Variants in NMNAT1 observed in about 807,000 individuals in gnomAD.
NMNAT1 encodes nicotinamide nucleotide adenylyltransferase 1, also known as nicotinamide/nicotinic acid mononucleotide adenylyltransferase 1.
A neutral mutation model predicts 16.7 loss-of-function variants in NMNAT1; 11 were observed. That is an observed-to-expected ratio of 0.66 (90% CI 0.41 to 1.09). NMNAT1 has a LOEUF of 1.09. NMNAT1 is among the 50% of genes least tolerant of loss of function. The pLI, the probability that NMNAT1 is intolerant of heterozygous loss-of-function variation, is 0.00. For missense variants in NMNAT1, 280 were observed against 332.3 expected (o/e 0.84, Z 1.22); for synonymous variants, 110 against 119.8 (o/e 0.92, Z 0.53).
At chr1:9,957,161 C>A (rs141310602) in intron 1 of NMNAT1, among the ~76,000 whole-genome samples, 3 of 152,264 alleles carry the variant, frequency 2.0e-5, no homozygotes, top group African/African-American at 7.2e-5. Context: ...TCCTGAGTAG[C>A]TGGGATTACA....
chr1:9,983,701 TGCCAAGTTA>T lies in NMNAT1; in HGVS notation c.*1002_*1010del, dbSNP rs1641999265. 1 of 151,920 alleles carries T rather than the reference TGCCAAGTTA, an allele frequency of 6.6e-6. No homozygotes were observed. The highest frequency in any genetic ancestry group is 2.4e-5 in the African/African-American group (1 of 41,368). 9.4% of individuals were successfully genotyped at this position (151,920 alleles called of 1,614,324 possible). A position where few individuals can be genotyped will look rare whatever the true frequency, so the allele number is the denominator to read the frequency against. On this transcript the variant is annotated 3_prime_UTR_variant, in exon 5 of 5. Transcript: ENST00000377205. ...CAGCTAGCAGGTTTCAGGATCCATC[TGCCAAGTTA>T]GTGAAAGGCTGGAGCCTCAAATCAT...
intron 1 of NMNAT1, among the ~76,000 whole-genome samples, chr1:9,958,069 A>G (rs955260266): frequency 6.6e-6 from 1 of 152,196 alleles, no homozygotes; most frequent in Non-Finnish European, 1.5e-5. Context: ...ACCCACAGCT[A>G]TCTTCACTAT....
chr1:9,987,661 T>A (rs372622755), downstream of NMNAT1, among the ~76,000 whole-genome samples: 5 of 150,636 alleles, frequency 3.3e-5, no homozygotes, highest in South Asian at 6.3e-4. Flanking sequence ...ATAAATAAAT[T>A]AAATTAAATT....
In NMNAT1 at chr1:9,972,208, G is replaced by C; in HGVS notation, c.115+20G>C. On this transcript the variant is annotated intron_variant, in intron 2 of 4. Coordinates refer to ENST00000377205, the MANE Select transcript of NMNAT1 (RefSeq NM_022787.4). ...GAACAGGTAGGAGCAGTAACCAAAA[G>C]TGGCTTAAGACTAGAGAACCAGCCG... The C allele has an allele frequency of 7.1e-7, 1 of 1,417,642 alleles. No homozygotes were observed. The highest frequency in any genetic ancestry group is 1.4e-5 in the African/African-American group (1 of 71,044). 87.8% of individuals were successfully genotyped at this position (1,417,642 alleles called of 1,614,324 possible).
chr1:9,987,195 C>T (rs1642055245), downstream of NMNAT1, among the ~76,000 whole-genome samples: 1 of 150,692 alleles, frequency 6.6e-6, no homozygotes, highest in African/African-American at 2.4e-5. Context: ...CAAAAACTCC[C>T]TCTCAACAAA....
chr1:9,975,846 C>G lies in NMNAT1; in HGVS notation c.299+71C>G, dbSNP rs147882197. 1.2e-3 allele frequency: 1,483 copies of G among 1,246,780 alleles called. 2 individuals are homozygous for G. The highest frequency in any genetic ancestry group is 1.7e-3 in the Admixed American group (83 of 48,600). 77.2% of individuals were successfully genotyped at this position (1,246,780 alleles called of 1,614,324 possible). A position where few individuals can be genotyped will look rare whatever the true frequency, so the allele number is the denominator to read the frequency against. On this transcript the variant is annotated intron_variant, in intron 3 of 4. Transcript: ENST00000377205. ...AGCGGCTTATGTTTTTACCATGTTT[C>G]AATGTTGCTTACATCTGTGAACATA...
rs1194273363 is a variant in NMNAT1 at position 9,983,481 on chromosome 1, C to G, written c.*780C>G. The G allele has an allele frequency of 6.6e-6, 1 of 151,496 alleles. No homozygotes were observed. Among genetic ancestry groups the G allele is most frequent in the Non-Finnish European group, 1.5e-5 (1 of 68,008 alleles). The allele number at this position is 151,496 out of a possible 1,614,324, so 9.4% of individuals were successfully genotyped here. On this transcript the variant is annotated 3_prime_UTR_variant, in exon 5 of 5. Transcript: ENST00000377205. ...ACCAGCCTGGCCAATATGGTGAAAC[C>G]CCATCTCTACTAAGAATACAAAAAA...
chr1:9,976,786 C>T (rs796255326), intron 3 of NMNAT1, among the ~76,000 whole-genome samples: 98 of 149,170 alleles, frequency 6.6e-4, no homozygotes, highest in African/African-American at 2.4e-3. Flanking sequence ...CACCACGCCC[C>T]GCTAATGTTT....
intron 1 of NMNAT1, among the ~76,000 whole-genome samples, chr1:9,949,080 A>G (rs61785621): frequency 0.79 from 118,254 of 150,576 alleles, 49,005 homozygotes; most frequent in Non-Finnish European, 0.92. Context: ...GAGCAGCCTG[A>G]CCAACATAGT....
chr1:9,975,466 G>C (rs538892029), intron 2 of NMNAT1, 126 bp from the exon 3 acceptor site: 2 of 721,240 alleles, frequency 2.8e-6, no homozygotes, highest in Non-Finnish European at 4.4e-6. Context: ...ACTCCAGTGC[G>C]GCCTGGGGAA....
At chr1:9,980,985 G>A (rs760324382) in intron 3 of NMNAT1, 46 bp from the exon 4 acceptor site, 14 of 1,576,350 alleles carry the variant, frequency 8.9e-6, no homozygotes, top group Non-Finnish European at 1.2e-5. Context: ...TATTCTAATG[G>A]AGCATGTGAG....
chr1:9,992,708 G>A, the NMNAT1 span, among the ~76,000 whole-genome samples: 2 of 151,864 alleles, frequency 1.3e-5, no homozygotes, highest in African/African-American at 4.8e-5. Context: ...TCAGGAGATC[G>A]AGACCTTCCT....
intron 1 of NMNAT1, among the ~76,000 whole-genome samples, chr1:9,950,964 C>G (rs753562074): frequency 2.6e-5 from 4 of 151,942 alleles, no homozygotes; most frequent in Admixed American, 1.3e-4. Flanking sequence ...TGGCACACAC[C>G]TTTAATTCCA....
rs989550694 is a variant in NMNAT1 at position 9,983,003 on chromosome 1, G to C, written c.*302G>C. 12 of 224,580 alleles carry C rather than the reference G, an allele frequency of 5.3e-5. No individual in the cohort carries two copies. The highest frequency in any genetic ancestry group is 1.1e-4 in the Non-Finnish European group (12 of 112,770). 13.9% of individuals were successfully genotyped at this position (224,580 alleles called of 1,614,324 possible). On this transcript the variant is annotated 3_prime_UTR_variant, in exon 5 of 5. Transcript: ENST00000377205. ...TGCCTGTAGTCCCAGCTACTTGGGA[G>C]GCTGAGGCAGGAGAATCACTTGACC...
At position 9,982,622 on chromosome 1, in the gene NMNAT1, A is replaced by G. The variant is rs1641973756; in HGVS notation, c.761A>G (p.Tyr254Cys). ...VQEYIEKHNL[Y>C]SSESEDRNAG... The stretch of plus-strand genomic sequence containing the variant: ...GAATACATTGAAAAGCATAATTTGT[A>G]CAGCTCTGAGAGTGAAGACAGGAAT... The change falls in exon 5 of 5, where the codon TAC becomes TGC. Residue 254 changes from tyrosine (Y) to cysteine (C), a missense_variant. Coordinates refer to ENST00000377205, the MANE Select transcript of NMNAT1 (RefSeq NM_022787.4). 2.5e-6 allele frequency: 4 copies of G among 1,614,156 alleles called. No individual in the cohort carries two copies. The East Asian group carries it at 8.9e-5, about 36-fold the overall frequency.
At chr1:9,995,455 A>G in the NMNAT1 span, among the ~76,000 whole-genome samples, 9 of 151,324 alleles carry the variant, frequency 5.9e-5, no homozygotes, top group African/African-American at 2.2e-4. Flanking sequence ...CACTTTGGGA[A>G]GCTTAGGTGG....
chr1:9,946,550 C>A (rs1046024387), intron 1 of NMNAT1, among the ~76,000 whole-genome samples: 1 of 152,164 alleles, frequency 6.6e-6, no homozygotes, highest in African/African-American at 2.4e-5. Flanking sequence ...ACAAGAAGTA[C>A]CAGGAGCCAA....
Position 9,975,652 on chromosome 1 carries a change from G to A in NMNAT1, c.176G>A (p.Gly59Glu). The A allele has an allele frequency of 1.9e-6, 3 of 1,614,000 alleles. No homozygotes were observed. Among genetic ancestry groups the A allele is most frequent in the Non-Finnish European group, 2.5e-6 (3 of 1,179,954 alleles). The change falls in exon 3 of 5, where the codon GGA becomes GAA. Residue 59 changes from glycine (G) to glutamate (E), a missense_variant. Gly to Glu is a moderately conservative substitution (Grantham distance 98). Coordinates refer to ENST00000377205, the MANE Select transcript of NMNAT1 (RefSeq NM_022787.4). ...GTTGGTGATGCCTACAAGAAGAAAG[G>A]ACTCATTCCTGCCTATCACCGGGTC... is the stretch of plus-strand genomic sequence containing the variant. ...SPVGDAYKKK[G>E]LIPAYHRVIM...
At chr1:9,957,235 G>A (rs760695935) in intron 1 of NMNAT1, among the ~76,000 whole-genome samples, 17 of 152,036 alleles carry the variant, frequency 1.1e-4, no homozygotes, top group African/African-American at 1.4e-4. Flanking sequence ...CTCCATGTTG[G>A]TCAGGCTGGT....
Sources: allele counts gnomAD v4.1 joint callset (sites outside exome capture counted in the v4.1 genomes callset), GRCh38; gene constraint gnomAD v4.1.1; transcripts MANE v1.5; gene names NCBI Gene and HGNC (gene_info 2026-07-23, HGNC 2026-07-21).